The following FBLN1 variants were observed in gnomAD, a reference collection of about 807,000 sequenced individuals.
FBLN1 encodes the protein fibulin-1.
A neutral mutation model predicts 89.7 loss-of-function variants in FBLN1; 34 were observed. That is an observed-to-expected ratio of 0.38 (90% confidence interval 0.29 to 0.50). The LOEUF (loss-of-function observed/expected upper bound fraction) is 0.50, where lower values mean the gene tolerates loss of function less well. Ranked by LOEUF, FBLN1 falls within the 20% of genes least tolerant of loss-of-function variation. The pLI, the probability that FBLN1 is intolerant of heterozygous loss-of-function variation, is 0.92. For synonymous variants in FBLN1, 393 were observed against 391.3 expected (o/e 1.00, Z -0.05); for missense variants, 777 against 988.1 (o/e 0.79, Z 2.86).
rs1047230176 is a variant in FBLN1 at position 45,590,147 on chromosome 22, G to A, written c.1973-10160G>A. ...TGTGCTTGTCAGATAGAGAAGAGAG[G>A]GCTCTGCTCTGACCTGCAGGCCTGG... On this transcript the variant is annotated intron_variant, in intron 16 of 16. Coordinates refer to ENST00000327858, the MANE Select transcript of FBLN1 (RefSeq NM_006486.3). The surrounding 1 kb of genome is among the most constrained non-coding windows in gnomAD (Gnocchi z 4.1). Among the ~76,000 whole-genome samples, 2 of 152,210 alleles carry A rather than the reference G, an allele frequency of 1.3e-5. No homozygotes were observed. The highest frequency in any genetic ancestry group is 2.9e-5 in the Non-Finnish European group (2 of 68,036).
In FBLN1 at chr22:45,590,446, G is replaced by T. The variant is rs759003863; in HGVS notation, c.1973-9861G>T. Among the ~76,000 whole-genome samples, 1 of 152,212 alleles carries T rather than the reference G, an allele frequency of 6.6e-6. No individual in the cohort carries two copies. The highest frequency in any genetic ancestry group is 2.4e-5 in the African/African-American group (1 of 41,464). ...CAGTGTGCTGAGAGCTGGGCTGGAC[G>T]GGGCCGTGGGCCTCAGCAAGATGCG... On this transcript the variant is annotated intron_variant, in intron 16 of 16. Coordinates refer to ENST00000327858, the MANE Select transcript of FBLN1 (RefSeq NM_006486.3). The surrounding 1 kb of genome is among the most constrained non-coding windows in gnomAD (Gnocchi z 4.1).
intron 1 of FBLN1, among the ~76,000 whole-genome samples, chr22:45,511,818 AAGGCTGAGC>A (rs1429146510): frequency 3.9e-5 from 6 of 152,142 alleles, no homozygotes; most frequent in Admixed American, 3.9e-4. Flanking sequence ...AGCTGGATTC[AAGGCTGAGC>A]AGTTTTAACC....
Position 45,597,668 on chromosome 22 carries a change from C to T in FBLN1, c.1973-2639C>T, listed in dbSNP as rs192874318. On this transcript the variant is annotated intron_variant, in intron 16 of 16. Transcript: ENST00000327858. The surrounding 1 kb of genome is among the most constrained non-coding windows in gnomAD (Gnocchi z 4.2). ...CTGGCGAGCCCAGGGTGGTGACAGGCGCACGTCTTTTGCCGGGAGCTGAAG... is the reference window on the plus strand; with the variant it reads ...CTGGCGAGCCCAGGGTGGTGACAGGTGCACGTCTTTTGCCGGGAGCTGAAG... Among the ~76,000 whole-genome samples the T allele has an allele frequency of 1.3e-5, 2 of 152,244 alleles. No individual in the cohort carries two copies. The highest frequency in any genetic ancestry group is 1.9e-4 in the East Asian group (1 of 5,184).
intron 1 of FBLN1, among the ~76,000 whole-genome samples, chr22:45,505,702 G>A (rs1047491372): frequency 2.0e-5 from 3 of 152,210 alleles, no homozygotes; most frequent in Admixed American, 2.0e-4. Context: ...AACCTACTTA[G>A]GTTGTCTTGA....
In FBLN1 at chr22:45,503,023, CGCT is replaced by C; in HGVS notation, c.48_50del (p.Leu17del). On this transcript the variant is annotated inframe_deletion, in exon 1 of 17. Transcript: ENST00000327858. Reference sequence around the variant, plus strand: ...GCGCCGTCGCGCCGGGTCCCGCTTCCGCTGCTGCTGCTCGGCGGCCTTGCGCTG... The same window carrying C: ...GCGCCGTCGCGCCGGGTCCCGCTTCCGCTGCTGCTCGGCGGCCTTGCGCTG... 8.0e-7 allele frequency: 1 copy of C among 1,250,484 alleles called. No homozygotes were observed. The highest frequency in any genetic ancestry group is 1.0e-6 in the Non-Finnish European group (1 of 998,866). 77.5% of individuals were successfully genotyped at this position (1,250,484 alleles called of 1,614,324 possible).
chr22:45,593,095 A>C (rs1168914755), intron 16 of FBLN1, among the ~76,000 whole-genome samples: 1 of 151,988 alleles, frequency 6.6e-6, no homozygotes, highest in Non-Finnish European at 1.5e-5. Context: ...TCGAGGCTGT[A>C]ACTCTAGGTC....
At chr22:45,559,957 G>T (rs2088831867) in intron 14 of FBLN1, among the ~76,000 whole-genome samples, 1 of 152,174 alleles carries the variant, frequency 6.6e-6, no homozygotes, top group East Asian at 1.9e-4. Context: ...TTGATTGAGG[G>T]GCCGTGATTC....
intron 4 of FBLN1, among the ~76,000 whole-genome samples, chr22:45,529,905 C>T (rs552543405): frequency 4.5e-4 from 68 of 152,014 alleles, no homozygotes; most frequent in African/African-American, 1.5e-3. Context: ...TGGGGAGGTG[C>T]CGGAAGGGGC....
At chr22:45,534,292 C>A (rs2088452688) in intron 7 of FBLN1, among the ~76,000 whole-genome samples, 14 of 83,226 alleles carry the variant, frequency 1.7e-4, no homozygotes, top group Admixed American at 4.9e-4. Context: ...GTACTTTCTA[C>A]AAAAAAAAAA....
In FBLN1 at chr22:45,550,471, C is replaced by G; in HGVS notation, c.1574-21C>G. On this transcript the variant is annotated intron_variant, in intron 13 of 16. Coordinates refer to ENST00000327858, the MANE Select transcript of FBLN1 (RefSeq NM_006486.3). This position sits in a 1 kb window ranked among gnomAD's most constrained non-coding sequence, Gnocchi z 8.4. ...TCCTGCAGCCTCTGCCTTCACTGTG[C>G]TGCTGTGGGGTCTCTTGCAGACATT... The G allele has an allele frequency of 6.2e-7, 1 of 1,613,776 alleles. No individual in the cohort carries two copies. Among genetic ancestry groups the G allele is most frequent in the Non-Finnish European group, 8.5e-7 (1 of 1,179,954 alleles).
At position 45,530,373 on chromosome 22, in the gene FBLN1, C is replaced by T. The variant is rs1216271200; in HGVS notation, c.485-892C>T. ...TCTCCGTCTTTTATCTGCTTCAGTC[C>T]TTGCCCCAGACTATCCTCGCATGCT... On this transcript the variant is annotated intron_variant, in intron 4 of 16. Transcript: ENST00000327858. The surrounding 1 kb of genome is among the most constrained non-coding windows in gnomAD (Gnocchi z 5.4). 6.6e-6 allele frequency among the ~76,000 whole-genome samples: 1 copy of T among 152,018 alleles called. No homozygotes were observed. Among genetic ancestry groups the T allele is most frequent in the Non-Finnish European group, 1.5e-5 (1 of 68,002 alleles).
At chr22:45,553,484 TG>T (rs1342474562) in intron 14 of FBLN1, among the ~76,000 whole-genome samples, 1 of 152,256 alleles carries the variant, frequency 6.6e-6, no homozygotes, top group Non-Finnish European at 1.5e-5. Context: ...AAGGGATTTT[TG>T]GGCCGTTCCC....
At position 45,549,595 on chromosome 22, in the gene FBLN1, C is replaced by A. The variant is rs992404349; in HGVS notation, c.1573+851C>A. On this transcript the variant is annotated intron_variant, in intron 13 of 16. Coordinates refer to ENST00000327858, the MANE Select transcript of FBLN1 (RefSeq NM_006486.3). The surrounding 1 kb of genome is among the most constrained non-coding windows in gnomAD (Gnocchi z 5.7). ...GCAAATGACTTTTCTCCTGGCCAGG[C>A]TCCCTCACCACAGCCTGGGGTCCCG... 6.6e-6 allele frequency among the ~76,000 whole-genome samples: 1 copy of A among 152,228 alleles called. No homozygotes were observed. The highest frequency in any genetic ancestry group is 1.5e-5 in the Non-Finnish European group (1 of 68,040).
intron 14 of FBLN1, among the ~76,000 whole-genome samples, chr22:45,570,345 GAAAAGAAAAGA>G (rs1192399277): frequency 3.2e-4 from 20 of 62,832 alleles, no homozygotes; most frequent in East Asian, 8.4e-4. Context: ...AAAAAGAAAA[GAAAAGAAAAGA>G]AAAAAAAAAG....
At chr22:45,506,051 G>C (rs920119460) in intron 1 of FBLN1, among the ~76,000 whole-genome samples, 9 of 152,226 alleles carry the variant, frequency 5.9e-5, no homozygotes, top group Admixed American at 3.9e-4. Context: ...TTACAGGTGT[G>C]AGCCACCGTG....
chr22:45,519,003 A>G (rs935539058), intron 2 of FBLN1, among the ~76,000 whole-genome samples: 3 of 151,456 alleles, frequency 2.0e-5, no homozygotes, highest in Non-Finnish European at 4.4e-5. Context: ...CCACTCTGTG[A>G]TTGTCGGGGT....
intron 14 of FBLN1, among the ~76,000 whole-genome samples, chr22:45,555,264 T>TATAA (rs1465064877): frequency 3.0e-5 from 1 of 33,418 alleles, no homozygotes; most frequent in African/African-American, 7.7e-5. Flanking sequence ...TATATATATA[T>TATAA]AAAATGGAAT....
At chr22:45,539,421 G>A (rs549576906) in intron 8 of FBLN1, among the ~76,000 whole-genome samples, 3 of 151,960 alleles carry the variant, frequency 2.0e-5, no homozygotes, top group South Asian at 2.1e-4. Context: ...GGTTGGTCTC[G>A]AGCTCTTGAC....
chr22:45,540,096 A>T (rs913521287), intron 8 of FBLN1, among the ~76,000 whole-genome samples: 32 of 152,160 alleles, frequency 2.1e-4, no homozygotes, highest in African/African-American at 7.0e-4. Flanking sequence ...TTATTTACAA[A>T]AGCAGGTGTA....
Sources: gnomAD v4.1 joint callset for allele counts (sites outside exome capture counted in the v4.1 genomes callset) on GRCh38, gnomAD v4.1.1 for gene constraint, Gnocchi (gnomAD v3.1) non-coding constraint, MANE v1.5 for transcripts, NCBI Gene and HGNC (gene_info 2026-07-23, HGNC 2026-07-21) for gene names.